GFRA1: variants seen among roughly 807,000 people sequenced by gnomAD.
GFRA1 encodes the protein GDNF family receptor alpha 1.
GFRA1 carries 16 observed loss-of-function variants against 51.6 expected under a neutral mutation model. The observed-to-expected ratio is 0.31, with a 90% CI of 0.21 to 0.47. The LOEUF is 0.47. GFRA1 is among the 20% of genes least tolerant of loss of function. The pLI, the probability that GFRA1 is intolerant of heterozygous loss-of-function variation, is 1.00. For missense variants in GFRA1, 530 were observed against 594.3 expected, an observed-to-expected ratio of 0.89 and a Z score of 1.13; for synonymous variants, 270 against 241.3, an observed-to-expected ratio of 1.12 and a Z score of -1.10.
chr10:116,249,596 C>T (rs1009778447), intron 4 of GFRA1, among the ~76,000 whole-genome samples: 4 of 152,170 alleles, frequency 2.6e-5, no homozygotes, highest in African/African-American at 9.7e-5. Context: ...AGACCGTAGG[C>T]TCCCTCATGT....
chr10:116,187,872 G>GAGCC, intron 5 of GFRA1, among the ~76,000 whole-genome samples: 1 of 152,226 alleles, frequency 6.6e-6, no homozygotes, highest in African/African-American at 2.4e-5. Flanking sequence ...CCCCAGAGCA[G>GAGCC]AGCCCTGGCC....
intron 9 of GFRA1, among the ~76,000 whole-genome samples, chr10:116,076,600 G>C (rs1447040054): frequency 1.3e-5 from 2 of 152,156 alleles, no homozygotes; most frequent in Non-Finnish European, 2.9e-5. Context: ...GTGGTAATGG[G>C]CCGTGAACCC....
intron 6 of GFRA1, among the ~76,000 whole-genome samples, chr10:116,102,559 C>T (rs1756003224): frequency 6.6e-6 from 1 of 152,186 alleles, no homozygotes; most frequent in African/African-American, 2.4e-5. Context: ...AATGCATTCA[C>T]AGTTCCACAT....
chr10:116,093,670 G>C (rs1956449753), intron 8 of GFRA1, 32 bp downstream of exon 8: 1 of 1,603,644 alleles, frequency 6.2e-7, no homozygotes, highest in African/African-American at 1.3e-5. Context: ...AAATGCGTTT[G>C]CTCCTTTGTT....
intron 5 of GFRA1, among the ~76,000 whole-genome samples, chr10:116,158,936 C>A (rs963386377): frequency 6.6e-6 from 1 of 152,214 alleles, no homozygotes; most frequent in East Asian, 1.9e-4. Flanking sequence ...AGCACACAGA[C>A]TGGACCCCTG....
chr10:116,061,373 A>C lies in GFRA1; in HGVS notation c.*3025T>G, dbSNP rs1429951077. On this transcript the variant is annotated 3_prime_UTR_variant, in exon 11 of 11. Coordinates refer to ENST00000355422, the MANE Select transcript of GFRA1 (RefSeq NM_005264.8). ...TTTTATTACAGACTTGAAAAAAATC[A>C]GGTATGGAAAAATAAATATGTAATT... 6.6e-6 allele frequency: 1 copy of C among 152,170 alleles called. No homozygotes were observed. Among genetic ancestry groups the C allele is most frequent in the African/African-American group, 2.4e-5 (1 of 41,430 alleles). 9.4% of individuals were successfully genotyped at this position (152,170 alleles called of 1,614,324 possible).
rs12220836 is a variant in GFRA1, at chr10:116,196,619, A to T, written c.433+15012T>A. 4.3e-4 allele frequency among the ~76,000 whole-genome samples: 12 copies of T among 27,952 alleles called. 1 individual carries two copies. Among genetic ancestry groups the T allele is most frequent in the African/African-American group, 9.7e-4 (10 of 10,322 alleles). The allele number at this position is 27,952 out of a possible 152,430, so 18.3% of individuals were successfully genotyped here. A position where few individuals can be genotyped will look rare whatever the true frequency, so the allele number is the denominator to read the frequency against. On this transcript the variant is annotated intron_variant, in intron 5 of 10. Transcript: ENST00000355422. ...ATAATATATATATAGTACTATATAT[A>T]ATATATATAATATATAGTACTATAT...
chr10:116,196,022 G>C (rs1963712768), intron 5 of GFRA1, among the ~76,000 whole-genome samples: 1 of 152,020 alleles, frequency 6.6e-6, no homozygotes, highest in Non-Finnish European at 1.5e-5. Context: ...ACCTGGCCCT[G>C]TTCTAGACAC....
chr10:116,239,018 C>A (rs189840584), intron 4 of GFRA1, among the ~76,000 whole-genome samples: 1 of 152,144 alleles, frequency 6.6e-6, no homozygotes, highest in Admixed American at 6.5e-5. Flanking sequence ...TCAGCCATGT[C>A]CAGCTATATT....
chr10:116,106,287 A>G (rs531966890), intron 6 of GFRA1, among the ~76,000 whole-genome samples: 1 of 152,258 alleles, frequency 6.6e-6, no homozygotes, highest in Non-Finnish European at 1.5e-5. Context: ...ATTTGTTAAC[A>G]GCACCAATAG....
chr10:116,103,199 T>C (rs1956883300), intron 6 of GFRA1, among the ~76,000 whole-genome samples: 1 of 152,216 alleles, frequency 6.6e-6, no homozygotes, highest in Non-Finnish European at 1.5e-5. Flanking sequence ...ACAGTCACTT[T>C]AAATGTCTGC....
intron 5 of GFRA1, among the ~76,000 whole-genome samples, chr10:116,182,311 A>C (rs2134278864): frequency 6.6e-6 from 1 of 152,360 alleles, no homozygotes; most frequent in African/African-American, 2.4e-5. Flanking sequence ...CTGGAACTAT[A>C]TTTTGTCCAG....
At chr10:116,190,469 T>C (rs1413313584) in intron 5 of GFRA1, among the ~76,000 whole-genome samples, 1 of 152,204 alleles carries the variant, frequency 6.6e-6, no homozygotes, top group Non-Finnish European at 1.5e-5. Context: ...CCTGGGTACA[T>C]GGCCTTCCCC....
At chr10:116,099,537 G>T (rs887097772) in intron 6 of GFRA1, among the ~76,000 whole-genome samples, 6 of 152,106 alleles carry the variant, frequency 3.9e-5, no homozygotes, top group African/African-American at 1.4e-4. Context: ...AAAGAAAAGA[G>T]CTCCACTCCC....
chr10:116,185,678 C>T (rs1565635157), intron 5 of GFRA1, among the ~76,000 whole-genome samples: 1 of 152,202 alleles, frequency 6.6e-6, no homozygotes. Flanking sequence ...TTTGAATCTG[C>T]TCCCATGCGT....
At chr10:116,267,750 G>A (rs1969776639) in intron 4 of GFRA1, among the ~76,000 whole-genome samples, 1 of 152,104 alleles carries the variant, frequency 6.6e-6, no homozygotes, top group African/African-American at 2.4e-5. Flanking sequence ...GAGAGCTTAG[G>A]TGGTCACATA....
chr10:116,090,164 A>G (rs1327878370), intron 8 of GFRA1, among the ~76,000 whole-genome samples: 1 of 152,096 alleles, frequency 6.6e-6, no homozygotes, highest in Non-Finnish European at 1.5e-5. Context: ...AATGCAACAA[A>G]TATTTATTGT....
At chr10:116,265,592 C>T (rs1206775904) in intron 4 of GFRA1, among the ~76,000 whole-genome samples, 8 of 152,002 alleles carry the variant, frequency 5.3e-5, no homozygotes, top group South Asian at 2.1e-4. Context: ...TTCTGTGTCT[C>T]GAACTTTTCT....
intron 9 of GFRA1, among the ~76,000 whole-genome samples, chr10:116,086,300 A>G (rs993563882): frequency 4.6e-5 from 7 of 152,224 alleles, no homozygotes; most frequent in Non-Finnish European, 8.8e-5. Context: ...ACCACCTTCC[A>G]TCTGTTGTAA....
Sources: allele counts gnomAD v4.1 joint callset (sites outside exome capture counted in the v4.1 genomes callset), GRCh38; gene constraint gnomAD v4.1.1; transcripts MANE v1.5; gene names NCBI Gene and HGNC (gene_info 2026-07-23, HGNC 2026-07-21).